ACYP2: variants seen among roughly 807,000 people sequenced by gnomAD.
ACYP2 encodes acylphosphatase 2.
ACYP2 carries 12 observed loss-of-function variants against 11.2 expected under a neutral mutation model. The observed-to-expected ratio is 1.08, with a 90% CI of 0.69 to 1.74. ACYP2 has a LOEUF of 1.74. ACYP2 is among the 40% of genes most tolerant of loss of function. ACYP2 has a pLI of 0.00. For synonymous variants in ACYP2, 43 were observed against 32.2 expected, an observed-to-expected ratio of 1.33 and a Z score of -1.13; for missense variants, 134 against 101.9, an observed-to-expected ratio of 1.31 and a Z score of -1.35.
chr2:54,197,161 G>A (rs1295653576), intron 6 of ACYP2, among the ~76,000 whole-genome samples: 1 of 152,178 alleles, frequency 6.6e-6, no homozygotes, highest in Non-Finnish European at 1.5e-5. Flanking sequence ...GGTGATTTCA[G>A]GAAGCAGAAT....
intron 4 of ACYP2, among the ~76,000 whole-genome samples, chr2:54,125,831 C>T (rs992237428): frequency 1.3e-5 from 2 of 152,002 alleles, no homozygotes; most frequent in African/African-American, 4.8e-5. Flanking sequence ...CCTGTAATCC[C>T]AGCACTTTGG....
chr2:54,207,630 A>G (rs1685136233), intron 6 of ACYP2, among the ~76,000 whole-genome samples: 1 of 152,206 alleles, frequency 6.6e-6, no homozygotes, highest in Non-Finnish European at 1.5e-5. Flanking sequence ...AAGCCAAATT[A>G]AAGATAATGG....
intron 6 of ACYP2, among the ~76,000 whole-genome samples, chr2:54,225,180 C>T (rs999271455): frequency 4.6e-5 from 7 of 152,182 alleles, no homozygotes; most frequent in African/African-American, 1.4e-4. Context: ...AACAGTCCTT[C>T]GCCCTCAAGA....
At chr2:54,197,919 T>A (rs1168930734) in intron 6 of ACYP2, among the ~76,000 whole-genome samples, 4 of 134,284 alleles carry the variant, frequency 3.0e-5, no homozygotes, top group East Asian at 2.2e-4. Flanking sequence ...ATTTTATTAT[T>A]TTATTTTATT....
chr2:54,063,511 G>A (rs1167953983), intron 4 of ACYP2, among the ~76,000 whole-genome samples: 1 of 152,174 alleles, frequency 6.6e-6, no homozygotes, highest in Non-Finnish European at 1.5e-5. Flanking sequence ...TGACCCAGGA[G>A]AGGCATCAGC....
intron 6 of ACYP2, among the ~76,000 whole-genome samples, chr2:54,159,161 C>T (rs1209525367): frequency 1.3e-5 from 2 of 150,670 alleles, no homozygotes; most frequent in Admixed American, 6.6e-5. Flanking sequence ...TAAAGTCAAG[C>T]TCCCTGGGCT....
chr2:54,200,437 C>G (rs1050550311), intron 6 of ACYP2, among the ~76,000 whole-genome samples: 1 of 152,142 alleles, frequency 6.6e-6, no homozygotes, highest in South Asian at 2.1e-4. Context: ...TACCCTCAAA[C>G]CCTGGCAACC....
chr2:54,079,729 C>G (rs1677544350), intron 4 of ACYP2, among the ~76,000 whole-genome samples: 1 of 152,126 alleles, frequency 6.6e-6, no homozygotes, highest in Admixed American at 6.5e-5. Flanking sequence ...TAGCTTGATG[C>G]TTACACAATT....
intron 6 of ACYP2, among the ~76,000 whole-genome samples, chr2:54,232,313 A>G (rs10439478): frequency 5.9e-5 from 9 of 151,920 alleles, no homozygotes; most frequent in Non-Finnish European, 1.3e-4. Flanking sequence ...TTTCCCAGAA[A>G]GAAGCTCTTG....
At chr2:54,100,224 T>G (rs1171013603) in intron 4 of ACYP2, among the ~76,000 whole-genome samples, 11 of 151,776 alleles carry the variant, frequency 7.2e-5, no homozygotes, top group Non-Finnish European at 1.6e-4. Context: ...ACTCTTTTCT[T>G]TCCACTTTGT....
intron 4 of ACYP2, among the ~76,000 whole-genome samples, chr2:54,097,009 C>A (rs1345826657): frequency 6.6e-6 from 1 of 152,196 alleles, no homozygotes; most frequent in African/African-American, 2.4e-5. Flanking sequence ...CACATCCAGC[C>A]TGAAATATTT....
At chr2:54,069,761 G>C (rs577578817) in intron 4 of ACYP2, among the ~76,000 whole-genome samples, 260 of 152,272 alleles carry the variant, frequency 1.7e-3, no homozygotes, top group Non-Finnish European at 2.3e-3. Context: ...CACATTGAGG[G>C]TGACCAGCTG....
intron 6 of ACYP2, chr2:54,143,321 C>G (rs1441186416): frequency 1.3e-5 from 2 of 152,086 alleles, no homozygotes; most frequent in African/African-American, 4.8e-5. Flanking sequence ...CTTGAATTAG[C>G]CTTTGATTGG....
intron 6 of ACYP2, among the ~76,000 whole-genome samples, chr2:54,240,892 A>C (rs1686703312): frequency 6.6e-6 from 1 of 152,168 alleles, no homozygotes; most frequent in South Asian, 2.1e-4. Flanking sequence ...CTTGTACTTT[A>C]CTTTAGTAAT....
At chr2:54,258,960 A>G (rs1380973209) in intron 6 of ACYP2, among the ~76,000 whole-genome samples, 1 of 152,228 alleles carries the variant, frequency 6.6e-6, no homozygotes, top group Non-Finnish European at 1.5e-5. Flanking sequence ...GACTTGCATT[A>G]TAGCAACCCA....
At chr2:53,980,501 TGAGCTAG>T (rs1671697997) in intron 2 of ACYP2, among the ~76,000 whole-genome samples, 1 of 152,086 alleles carries the variant, frequency 6.6e-6, no homozygotes, top group East Asian at 1.9e-4. Flanking sequence ...GAGGATTGCT[TGAGCTAG>T]GAGTTCAAGA....
intron 4 of ACYP2, among the ~76,000 whole-genome samples, chr2:54,130,303 C>T (rs968016915): frequency 6.6e-6 from 1 of 151,992 alleles, no homozygotes; most frequent in Non-Finnish European, 1.5e-5. Flanking sequence ...ATAGTCAGTA[C>T]AAAGGCTAGG....
intron 6 of ACYP2, among the ~76,000 whole-genome samples, chr2:54,252,538 C>CT (rs754781953): frequency 5.3e-5 from 8 of 152,034 alleles, no homozygotes; most frequent in South Asian, 2.1e-4. Flanking sequence ...TATTTTCAAC[C>CT]TTTGTTATTT....
chr2:54,123,819 G>T (rs888835305), intron 4 of ACYP2, among the ~76,000 whole-genome samples: 1 of 152,142 alleles, frequency 6.6e-6, no homozygotes, highest in African/African-American at 2.4e-5. Flanking sequence ...CTAACTCCCA[G>T]CCAAGTCAGC....
Sources: gnomAD v4.1 joint callset for allele counts (sites outside exome capture counted in the v4.1 genomes callset) on GRCh38, gnomAD v4.1.1 for gene constraint, MANE v1.5 for transcripts, NCBI Gene and HGNC (gene_info 2026-07-23, HGNC 2026-07-21) for gene names.